The following UTY variants were observed in gnomAD, a reference collection of about 807,000 sequenced individuals.
UTY encodes histone demethylase UTY.
Under a neutral mutation model 32.5 loss-of-function variants are expected in UTY, and 12 were observed. The ratio of observed to expected loss-of-function variants is 0.37; its 90% CI spans 0.24 to 0.60. The LOEUF (loss-of-function observed/expected upper bound fraction) is 0.60, where lower values mean the gene tolerates loss of function less well. Among genes scored for constraint, UTY ranks in the 20% least tolerant of loss-of-function variants. The pLI, the probability that UTY is intolerant of heterozygous loss-of-function variation, is 0.69. For missense variants in UTY, 303 were observed against 299.2 expected, an observed-to-expected ratio of 1.01 and a Z score of -0.09; for synonymous variants, 131 against 103.4, an observed-to-expected ratio of 1.27 and a Z score of -1.62.
At chrY:13,447,061 CACCCATCA>C (rs2075980273) in intron 4 of UTY, among the ~76,000 whole-genome samples, 1 of 32,283 alleles carries the variant, frequency 3.1e-5, no homozygotes, top group Non-Finnish European at 7.5e-5. Context: ...TGGATTGCTG[CACCCATCA>C]ACCCATCATC....
chrY:13,416,226 CAT>C (rs2071668322), intron 4 of UTY, among the ~76,000 whole-genome samples: 1 of 34,406 alleles, frequency 2.9e-5, no homozygotes, highest in African/African-American at 1.1e-4. Flanking sequence ...TATAACCTGA[CAT>C]GATTTCTTGT....
At chrY:13,277,583 A>G in intron 27 of UTY, among the ~76,000 whole-genome samples, 1 of 33,472 alleles carries the variant, frequency 3.0e-5, no homozygotes, top group South Asian at 6.7e-4. Context: ...GCATGGGGGA[A>G]AGAGAGCTGT....
At chrY:13,399,756 C>T in intron 6 of UTY, among the ~76,000 whole-genome samples, 1 of 32,954 alleles carries the variant, frequency 3.0e-5, no homozygotes, top group South Asian at 6.9e-4. Flanking sequence ...CCAAAATAGG[C>T]GATTCTGACA....
At chrY:13,350,118 G>T in intron 17 of UTY, among the ~76,000 whole-genome samples, 1 of 33,784 alleles carries the variant, frequency 3.0e-5, no homozygotes, top group South Asian at 6.5e-4. Context: ...GCTAGCTCTT[G>T]ATCTTGGACT....
At chrY:13,235,039 C>G in intron 28 of UTY, among the ~76,000 whole-genome samples, 1 of 34,047 alleles carries the variant, frequency 2.9e-5, no homozygotes, top group Non-Finnish European at 7.4e-5. Context: ...CTCAGCCCCC[C>G]ATCAGCTTCC....
chrY:13,358,887 C>T (rs2063233976), intron 13 of UTY, among the ~76,000 whole-genome samples: 1 of 32,833 alleles, frequency 3.0e-5, no homozygotes, highest in Non-Finnish European at 7.5e-5. Flanking sequence ...AACTGGCACC[C>T]GTATTCCTTC....
In UTY at chrY:13,355,986, A is replaced by T; in HGVS notation, c.1602T>A (p.Asn534Lys). ...HLEQLRANRD[N>K]LNPAQKHQLE... ...GCTGATGCTTCTGTGCTGGATTTAA[A>T]TTATCTCTATTTGCTCGCAGTTGTT... Residue 534 changes from asparagine (N) to lysine (K), a missense_variant, in exon 16 of 30, where the codon AAT becomes AAA. Asn to Lys is a moderately conservative substitution (Grantham distance 94, BLOSUM62 0). Coordinates refer to ENST00000545955, the MANE Select transcript of UTY (RefSeq NM_001258249.2). 5.1e-6 allele frequency: 2 copies of T among 389,756 alleles called. No homozygotes were observed. Among genetic ancestry groups the T allele is most frequent in the Non-Finnish European group, 3.6e-6 (1 of 279,156 alleles).
intron 27 of UTY, among the ~76,000 whole-genome samples, chrY:13,269,552 AAAAACAAAAC>A (rs768833349): frequency 3.8e-3 from 93 of 24,391 alleles, no homozygotes; most frequent in South Asian, 0.019. Context: ...TGTGGGCATG[AAAAACAAAAC>A]AAAACAAAAC....
rs781114644 is a variant in UTY at position 13,470,139 on chromosome Y, A to G, written c.307T>C (p.Leu103=). The change falls in exon 3 of 30, where the codon TTG becomes CTG. Residue 103 remains leucine (L), a synonymous_variant. Transcript: ENST00000545955. ...ACAATACCTTTTGAATAATCTTCCA[A>G]CAAGAGGTTGAAGTGACCTAATTGG... is the stretch of plus-strand genomic sequence containing the variant. ...FCQLGHFNLL[L]EDYSKALSAY... is the part of the protein sequence containing the mutation. The G allele has an allele frequency of 5.1e-6, 2 of 389,354 alleles. No individual in the cohort carries two copies. Among genetic ancestry groups the G allele is most frequent in the South Asian group, 3.1e-5 (1 of 31,789 alleles).
chrY:13,428,753 T>C (rs774248833), intron 4 of UTY, among the ~76,000 whole-genome samples: 11 of 33,878 alleles, frequency 3.2e-4, no homozygotes, highest in African/African-American at 1.1e-3. Flanking sequence ...AGGGATTGTG[T>C]TGAATCTGAA....
chrY:13,295,209 A>G, intron 27 of UTY, among the ~76,000 whole-genome samples: 4 of 33,972 alleles, frequency 1.2e-4, no homozygotes, highest in Admixed American at 2.6e-4. Context: ...GCTTCCACTA[A>G]TGGCAGAAGG....
intron 27 of UTY, among the ~76,000 whole-genome samples, chrY:13,264,220 A>T: frequency 3.0e-5 from 1 of 33,816 alleles, no homozygotes; most frequent in Non-Finnish European, 7.3e-5. Flanking sequence ...TATTGTGAAC[A>T]GTGCTGCAAT....
chrY:13,344,480 G>A, intron 17 of UTY, among the ~76,000 whole-genome samples: 1 of 33,774 alleles, frequency 3.0e-5, no homozygotes, highest in African/African-American at 1.2e-4. Context: ...GGACTTTATC[G>A]AGCTGCCTCA....
At chrY:13,319,926 TA>T (rs2059716438) in intron 21 of UTY, among the ~76,000 whole-genome samples, 1 of 33,615 alleles carries the variant, frequency 3.0e-5, no homozygotes, top group Non-Finnish European at 7.4e-5. Context: ...CTGGTTAAAT[TA>T]ATGATTTATT....
intron 27 of UTY, among the ~76,000 whole-genome samples, chrY:13,261,695 A>G: frequency 3.0e-5 from 1 of 33,252 alleles, no homozygotes; most frequent in South Asian, 6.7e-4. Flanking sequence ...ATCATTAGGG[A>G]TATTACATAC....
intron 27 of UTY, among the ~76,000 whole-genome samples, chrY:13,282,432 G>C (rs2057065206): frequency 3.0e-5 from 1 of 33,057 alleles, no homozygotes. Context: ...GGGCCTGCCT[G>C]GCGTAAACCC....
chrY:13,457,031 C>A (rs2076843161), intron 3 of UTY, among the ~76,000 whole-genome samples: 1 of 33,430 alleles, frequency 3.0e-5, no homozygotes, highest in Non-Finnish European at 7.4e-5. Context: ...CATATAAGAG[C>A]CTAGTCAGAA....
At chrY:13,303,377 C>A in intron 24 of UTY, among the ~76,000 whole-genome samples, 1 of 33,472 alleles carries the variant, frequency 3.0e-5, no homozygotes, top group Non-Finnish European at 7.4e-5. Flanking sequence ...AATACTAGGA[C>A]ACCACAGGCA....
intron 21 of UTY, among the ~76,000 whole-genome samples, chrY:13,307,494 T>C: frequency 3.1e-5 from 1 of 32,536 alleles, no homozygotes; most frequent in Non-Finnish European, 7.5e-5. Flanking sequence ...AAAAAATTAG[T>C]ACATCTGTAT....
Sources: gnomAD v4.1 joint callset for allele counts (sites outside exome capture counted in the v4.1 genomes callset) on GRCh38, gnomAD v4.1.1 for gene constraint, MANE v1.5 for transcripts, NCBI Gene and HGNC (gene_info 2026-07-23, HGNC 2026-07-21) for gene names.